Variants in APC observed in about 807,000 individuals in gnomAD.
APC encodes the protein APC regulator of Wnt signaling pathway.
In APC, 72 loss-of-function variants were observed where a neutral mutation model predicts 247.0. The observed-to-expected ratio is 0.29, with a 90% CI of 0.24 to 0.35. The LOEUF is 0.35. Among genes scored for constraint, APC ranks in the 10% least tolerant of loss-of-function variants. APC has a pLI of 1.00. For missense variants in APC, 3,400 were observed against 3,360.7 expected, an observed-to-expected ratio of 1.01 and a Z score of -0.29; for synonymous variants, 1,254 against 1,162.5, an observed-to-expected ratio of 1.08 and a Z score of -1.60.
At chr5:112,798,518 A>G (rs1406448661) in intron 7 of APC, among the ~76,000 whole-genome samples, 2 of 152,242 alleles carry the variant, frequency 1.3e-5, no homozygotes, top group Non-Finnish European at 2.9e-5. Flanking sequence ...TTAATTGAAC[A>G]CTTAAAATGG....
rs1326266013 is a variant in APC at position 112,838,096 on chromosome 5, C to T, written c.2502C>T (p.Ser834=). ...TGAATACTACAGTGTTACCCAGCTC[C>T]TCTTCATCAAGAGGAAGCTTAGATA... The part of the protein sequence containing the change: ...PYLNTTVLPS[S]SSSRGSLDSS... The change falls in exon 16 of 16, where the codon TCC becomes TCT. Residue 834 remains serine (S), a synonymous_variant. Coordinates refer to ENST00000257430, the MANE Select transcript of APC (RefSeq NM_000038.6). 6.2e-7 allele frequency: 1 copy of T among 1,614,210 alleles called. No individual in the cohort carries two copies. Among genetic ancestry groups the T allele is most frequent in the Non-Finnish European group, 8.5e-7 (1 of 1,180,034 alleles).
chr5:112,770,459 G>A (rs754590486), intron 4 of APC, among the ~76,000 whole-genome samples: 3 of 152,020 alleles, frequency 2.0e-5, no homozygotes, highest in Non-Finnish European at 4.4e-5. Context: ...TAGAAAAGAC[G>A]TCTTGTTTTT....
chr5:112,751,051 G>A (rs1372610352), intron 1 of APC, among the ~76,000 whole-genome samples: 1 of 151,800 alleles, frequency 6.6e-6, no homozygotes, highest in African/African-American at 2.4e-5. Flanking sequence ...TTGTGTTCTC[G>A]TGGTTGATCT....
In APC at chr5:112,843,076, C is replaced by T. The variant is rs1580683154; in HGVS notation, c.7482C>T (p.Ser2494=). Residue 2494 remains serine, a synonymous_variant, in exon 16 of 16, where the codon TCC becomes TCT. Coordinates refer to ENST00000257430, the MANE Select transcript of APC (RefSeq NM_000038.6). This position sits in a 1 kb window ranked among gnomAD's most constrained non-coding sequence, Gnocchi z 4.8. ...CTTCCCTTCCTGATATGTCTCTATC[C>T]ACACATTCGTCTGTTCAGGCTGGTG... ...LSPSLPDMSL[S]THSSVQAGGW... is the part of the protein sequence containing the mutation. 1 of 1,613,994 alleles carries T rather than the reference C, an allele frequency of 6.2e-7. No individual in the cohort carries two copies. Among genetic ancestry groups the T allele is most frequent in the Non-Finnish European group, 8.5e-7 (1 of 1,179,870 alleles).
At chr5:112,740,745 C>T (rs190247441) in intron 1 of APC, among the ~76,000 whole-genome samples, 2 of 151,684 alleles carry the variant, frequency 1.3e-5, no homozygotes, top group Non-Finnish European at 2.9e-5. Flanking sequence ...AGGGTGGTCT[C>T]GAACTCGTGA....
At chr5:112,739,411 C>T (rs1206166394) in intron 1 of APC, among the ~76,000 whole-genome samples, 6 of 152,032 alleles carry the variant, frequency 3.9e-5, no homozygotes, top group African/African-American at 1.2e-4. Flanking sequence ...TTAAGATGAC[C>T]TATTATATTG....
rs1561591676 is a variant in APC at position 112,839,939 on chromosome 5, A to C, written c.4345A>C (p.Lys1449Gln). 6.2e-7 allele frequency: 1 copy of C among 1,614,120 alleles called. No homozygotes were observed. Among genetic ancestry groups the C allele is most frequent in the East Asian group, 2.2e-5 (1 of 44,866 alleles). Residue 1449 changes from lysine to glutamine, a missense_variant, in exon 16 of 16, where the codon AAG becomes CAG. Coordinates refer to ENST00000257430, the MANE Select transcript of APC (RefSeq NM_000038.6). This position sits in a 1 kb window ranked among gnomAD's most constrained non-coding sequence, Gnocchi z 5.0. ...ACCACCTCCTCAAACAGCTCAAACC[A>C]AGCGAGAAGTACCTAAAAATAAAGC... Reference protein sequence around the residue: ...PPPPPQTAQTKREVPKNKAPT... With the variant: ...PPPPPQTAQTQREVPKNKAPT...
chr5:112,835,758 G>C (rs1308441812), intron 15 of APC, among the ~76,000 whole-genome samples: 1 of 151,682 alleles, frequency 6.6e-6, no homozygotes, highest in Non-Finnish European at 1.5e-5. Flanking sequence ...TTTTTTGGTA[G>C]AGATGGGGTT....
rs2149905923 is a variant in APC at position 112,839,675 on chromosome 5, C to G, written c.4081C>G (p.Pro1361Ala). 6.2e-7 allele frequency: 1 copy of G among 1,614,122 alleles called. No individual in the cohort carries two copies. The highest frequency in any genetic ancestry group is 8.5e-7 in the Non-Finnish European group (1 of 1,180,018). The change falls in exon 16 of 16, where the codon CCC becomes GCC. Residue 1361 changes from proline to alanine, a missense_variant. Physicochemically the swap from Pro to Ala is conservative, Grantham distance 27. This residue lies in a region of APC where 715 missense variants were observed against 656.6 expected (regional missense o/e 1.09). Transcript: ENST00000257430. This position sits in a 1 kb window ranked among gnomAD's most constrained non-coding sequence, Gnocchi z 5.0. ...TGAATTTTCTTCAGGAGCGAAATCTCCCTCCAAAAGTGGTGCTCAGACACC... is the reference window on the plus strand; with the variant it reads ...TGAATTTTCTTCAGGAGCGAAATCTGCCTCCAAAAGTGGTGCTCAGACACC... The part of the protein sequence containing the change: ...AVEFSSGAKS[P>A]SKSGAQTPKS...
At chr5:112,742,572 G>A (rs914197481) in intron 1 of APC, among the ~76,000 whole-genome samples, 3 of 152,164 alleles carry the variant, frequency 2.0e-5, no homozygotes, top group Non-Finnish European at 4.4e-5. Context: ...AACTCACATA[G>A]TCTCAGTTTT....
rs1389311736 is a variant in APC, at chr5:112,842,588, G to C, written c.6994G>C (p.Gly2332Arg). ...QSPGRNSISP[G>R]RNGISPPNKL... is the part of the protein sequence containing the mutation. ...TCCTGGCCGAAACTCAATTTCCCCT[G>C]GTAGAAATGGAATAAGTCCTCCTAA... The change falls in exon 16 of 16, where the codon GGT becomes CGT. Residue 2332 changes from glycine (G) to arginine (R), a missense_variant. Physicochemically the swap from Gly to Arg is moderately radical, Grantham distance 125. Coordinates refer to ENST00000257430, the MANE Select transcript of APC (RefSeq NM_000038.6). 1 of 1,613,452 alleles carries C rather than the reference G, an allele frequency of 6.2e-7. No homozygotes were observed. Among genetic ancestry groups the C allele is most frequent in the African/African-American group, 1.3e-5 (1 of 74,888 alleles).
chr5:112,762,001 C>T (rs1279551713), intron 2 of APC, among the ~76,000 whole-genome samples: 1 of 151,764 alleles, frequency 6.6e-6, no homozygotes, highest in Non-Finnish European at 1.5e-5. Flanking sequence ...AGGCTCAGTT[C>T]AGAATATATT....
Position 112,755,096 on chromosome 5 carries a change from T to A in APC, c.135+71T>A, listed in dbSNP as rs185477051. 13 of 1,596,782 alleles carry A rather than the reference T, an allele frequency of 8.1e-6. No homozygotes were observed. The Admixed American group carries it at 2.2e-4, about 27-fold the overall frequency. On this transcript the variant is annotated intron_variant, in intron 2 of 15. Transcript: ENST00000257430. ...AGTATTCCCTCTTGTAAACTTGAGG[T>A]AAGACACTTTACTTAAAAGTGTATT... is the stretch of plus-strand genomic sequence containing the variant.
At position 112,756,276 on chromosome 5, in the gene APC, C is replaced by T. The variant is rs112101778; in HGVS notation, c.135+1251C>T. Among the ~76,000 whole-genome samples the T allele has an allele frequency of 7.7e-3, 1,174 of 152,296 alleles. 12 individuals are homozygous for T. Among genetic ancestry groups the T allele is most frequent in the African/African-American group, 0.026 (1,090 of 41,534 alleles). On this transcript the variant is annotated intron_variant, in intron 2 of 15. Transcript: ENST00000257430. The stretch of plus-strand genomic sequence containing the variant: ...TATCAATCTTTTCTACTCTAATTAG[C>T]CTCTTCTGTGGTAAAACTGTCCCCA...
At chr5:112,774,463 G>GT (rs1561475872) in intron 4 of APC, among the ~76,000 whole-genome samples, 3 of 112,412 alleles carry the variant, frequency 2.7e-5, no homozygotes, top group African/African-American at 8.0e-5. Flanking sequence ...CTGCAAGATC[G>GT]ATTTTTTTTT....
At chr5:112,737,005 GTTTAAC>G (rs1477329998), upstream of APC, among the ~76,000 whole-genome samples, 1 of 152,146 alleles carries the variant, frequency 6.6e-6, no homozygotes, top group Non-Finnish European at 1.5e-5. Context: ...CAGAATTTAA[GTTTAAC>G]TTTATATATT....
upstream of APC, among the ~76,000 whole-genome samples, chr5:112,733,186 A>G (rs1031071589): frequency 1.6e-4 from 24 of 152,184 alleles, no homozygotes; most frequent in African/African-American, 5.6e-4. Flanking sequence ...TATTATTAGG[A>G]TGGAAGTTCT....
chr5:112,815,198 TTTTA>T (rs1762370804), intron 8 of APC, among the ~76,000 whole-genome samples: 1 of 152,204 alleles, frequency 6.6e-6, no homozygotes. Flanking sequence ...CTGAATGTGG[TTTTA>T]TTTATTTAGA....
rs2149810509 is a variant in APC at position 112,827,243 on chromosome 5, A to T, written c.1544A>T (p.Asn515Ile). 1 of 1,613,886 alleles carries T rather than the reference A, an allele frequency of 6.2e-7. No individual in the cohort carries two copies. Among genetic ancestry groups the T allele is most frequent in the Non-Finnish European group, 8.5e-7 (1 of 1,179,850 alleles). The change falls in exon 12 of 16, where the codon AAC becomes ATC. Residue 515 changes from asparagine (N) to isoleucine (I), a missense_variant. Asn to Ile is a moderately radical substitution (Grantham distance 149). Around this residue, in one of 9 missense-constraint regions of APC, gnomAD observed 184 missense variants for 248.0 expected, o/e 0.74. Transcript: ENST00000257430. ...AACTTGACTTTTGGAGATGTAGCCA[A>T]CAAGGTATGTTTTTATAACATGTAT... ...LTNLTFGDVA[N>I]KATLCSMKGC...
Sources: gnomAD v4.1 joint callset for allele counts (sites outside exome capture counted in the v4.1 genomes callset) on GRCh38, gnomAD v4.1.1 for gene constraint, gnomAD v4.1.1 regional missense constraint, Gnocchi (gnomAD v3.1) non-coding constraint, MANE v1.5 for transcripts, NCBI Gene and HGNC (gene_info 2026-07-23, HGNC 2026-07-21) for gene names.